The following CFAP54 variants were observed in gnomAD, a reference collection of about 807,000 sequenced individuals.
CFAP54 encodes the protein cilia- and flagella-associated protein 54.
A neutral mutation model predicts 370.4 loss-of-function variants in CFAP54; 290 were observed. That is an observed-to-expected ratio of 0.78 (90% CI 0.71 to 0.86). CFAP54 has a LOEUF of 0.86. Ranked by LOEUF, CFAP54 falls within the 40% of genes least tolerant of loss-of-function variation. The pLI, the probability that CFAP54 is intolerant of heterozygous loss-of-function variation, is 0.00. For missense variants in CFAP54, 3,399 were observed against 3,528.7 expected, an observed-to-expected ratio of 0.96 and a Z score of 0.93; for synonymous variants, 1,206 against 1,236.5, an observed-to-expected ratio of 0.98 and a Z score of 0.52.
intron 67 of CFAP54, among the ~76,000 whole-genome samples, chr12:96,861,196 A>G (rs1959870672): frequency 6.6e-6 from 1 of 152,214 alleles, no homozygotes; most frequent in Non-Finnish European, 1.5e-5. Flanking sequence ...CTGTTTTCAC[A>G]TTTGGAGTCA....
At chr12:96,746,945 C>T (rs936119684) in intron 55 of CFAP54, among the ~76,000 whole-genome samples, 15 of 152,200 alleles carry the variant, frequency 9.9e-5, no homozygotes, top group Admixed American at 8.5e-4. Flanking sequence ...GGAAACTTTT[C>T]CTGAACCCCA....
At chr12:96,793,202 C>A (rs1434403867) in intron 63 of CFAP54, among the ~76,000 whole-genome samples, 1 of 152,084 alleles carries the variant, frequency 6.6e-6, no homozygotes, top group African/African-American at 2.4e-5. Flanking sequence ...ACCCTCTCCC[C>A]CGAGCCCCCA....
Position 96,742,645 on chromosome 12 carries a change from G to A in CFAP54, c.7219+59G>A, listed in dbSNP as rs191767010. The stretch of plus-strand genomic sequence containing the variant: ...AAATTAATTTTACATAGGTGAAGAG[G>A]GGTTTATTGGGATATATTTTATTAT... On this transcript the variant is annotated intron_variant, in intron 52 of 67. Transcript: ENST00000524981. 1,046 of 1,401,804 alleles carry A rather than the reference G, an allele frequency of 7.5e-4. 1 individual carries two copies. The highest frequency in any genetic ancestry group is 1.1e-3 in the Admixed American group (49 of 46,198). 86.8% of individuals were successfully genotyped at this position (1,401,804 alleles called of 1,614,324 possible). A position where few individuals can be genotyped will look rare whatever the true frequency, so the allele number is the denominator to read the frequency against.
intron 51 of CFAP54, among the ~76,000 whole-genome samples, 189 bp downstream of exon 51, chr12:96,740,250 TA>T (rs1010073912): frequency 1.4e-4 from 21 of 151,824 alleles, no homozygotes; most frequent in Admixed American, 4.6e-4. Context: ...ATCTCTTAAT[TA>T]AAAAAAAATT....
intron 26 of CFAP54, among the ~76,000 whole-genome samples, chr12:96,616,382 G>T (rs1015883685): frequency 1.3e-5 from 2 of 151,622 alleles, no homozygotes; most frequent in Non-Finnish European, 2.9e-5. Context: ...GGAGGGGGGA[G>T]GGATAGCATT....
chr12:96,669,240 G>A lies in CFAP54; in HGVS notation c.5563+5308G>A, dbSNP rs115355447. 3.0e-3 allele frequency among the ~76,000 whole-genome samples: 463 copies of A among 152,312 alleles called. 2 individuals are homozygous for A. Among genetic ancestry groups the A allele is most frequent in the African/African-American group, 0.011 (449 of 41,572 alleles). On this transcript the variant is annotated intron_variant, in intron 39 of 67. Coordinates refer to ENST00000524981, the MANE Select transcript of CFAP54 (RefSeq NM_001306084.2). ...AGATAATAAACTCTCTTAGAGGGAA[G>A]GATAGAGATCTAGTTTTATCTGGAG...
At chr12:96,490,523 A>G (rs1954869409) in intron 1 of CFAP54, among the ~76,000 whole-genome samples, 1 of 152,112 alleles carries the variant, frequency 6.6e-6, no homozygotes, top group Admixed American at 6.6e-5. Context: ...AAATTTATAC[A>G]TGAATACAAA....
Position 96,600,158 on chromosome 12 carries a change from C to T in CFAP54, c.3639+1391C>T, listed in dbSNP as rs896265421. Among the ~76,000 whole-genome samples the T allele has an allele frequency of 4.6e-5, 7 of 152,120 alleles. No homozygotes were observed. The East Asian group carries it at 1.2e-3, about 25-fold the overall frequency. On this transcript the variant is annotated intron_variant, in intron 26 of 67. Coordinates refer to ENST00000524981, the MANE Select transcript of CFAP54 (RefSeq NM_001306084.2). ...TCTTACATTTAAGTCTTTAATCCATCTTGAGTTAATTTTTGTGTAAGGTGT... is the reference window on the plus strand; with the variant it reads ...TCTTACATTTAAGTCTTTAATCCATTTTGAGTTAATTTTTGTGTAAGGTGT...
intron 64 of CFAP54, among the ~76,000 whole-genome samples, chr12:96,816,185 C>T (rs1286927680): frequency 2.0e-5 from 3 of 152,192 alleles, no homozygotes; most frequent in Non-Finnish European, 2.9e-5. Flanking sequence ...TTGATTCTTC[C>T]TATCCATGAT....
intron 39 of CFAP54, among the ~76,000 whole-genome samples, chr12:96,673,297 A>G (rs1592701518): frequency 1.3e-5 from 2 of 152,118 alleles, no homozygotes; most frequent in South Asian, 4.1e-4. Context: ...TGAGTGCTCC[A>G]CTGTGCTACC....
chr12:96,833,374 A>G (rs890605314), intron 66 of CFAP54, among the ~76,000 whole-genome samples: 1 of 152,248 alleles, frequency 6.6e-6, no homozygotes, highest in African/African-American at 2.4e-5. Context: ...AGCTACGTAT[A>G]GAACATTGGT....
chr12:96,728,661 CCTT>C (rs1250517766), intron 50 of CFAP54, among the ~76,000 whole-genome samples: 10 of 152,298 alleles, frequency 6.6e-5, no homozygotes, highest in Non-Finnish European at 2.9e-5. Flanking sequence ...TCATCTGAAG[CCTT>C]CTTCTCTCAA....
chr12:96,604,039 G>GT (rs947365592), intron 26 of CFAP54, among the ~76,000 whole-genome samples: 11 of 152,108 alleles, frequency 7.2e-5, no homozygotes, highest in Non-Finnish European at 1.2e-4. Flanking sequence ...GAGGCGTTCT[G>GT]TTTTTTGGAA....
At chr12:96,515,999 T>A (rs1955229147) in intron 5 of CFAP54, among the ~76,000 whole-genome samples, 1 of 144,472 alleles carries the variant, frequency 6.9e-6, no homozygotes, top group South Asian at 2.3e-4. Flanking sequence ...CACTGCAAGC[T>A]CCACCTCCCG....
intron 61 of CFAP54, 56 bp from the exon 62 acceptor site, chr12:96,786,619 T>G: frequency 2.4e-6 from 3 of 1,273,850 alleles, no homozygotes; most frequent in South Asian, 2.8e-5. Flanking sequence ...CCAGCAATAT[T>G]GAGATCATCC....
chr12:96,640,570 A>G (rs1177744843), intron 32 of CFAP54, among the ~76,000 whole-genome samples: 1 of 152,130 alleles, frequency 6.6e-6, no homozygotes, highest in Admixed American at 6.5e-5. Flanking sequence ...AATTGGAAAA[A>G]CCTACTTTAA....
In CFAP54 at chr12:96,538,522, T is replaced by G; in HGVS notation, c.1926+4T>G. ...CCAGAAAATCAGTACTAACAAAGTA[T>G]TCCTTTCGCATTCCCTTTCACGTGT... On this transcript the variant is annotated splice_donor_region_variant and intron_variant, in intron 13 of 67. Transcript: ENST00000524981. 6.5e-7 allele frequency: 1 copy of G among 1,534,890 alleles called. No individual in the cohort carries two copies. The highest frequency in any genetic ancestry group is 8.7e-7 in the Non-Finnish European group (1 of 1,146,030).
intron 26 of CFAP54, among the ~76,000 whole-genome samples, chr12:96,604,374 C>A (rs1207577877): frequency 1.3e-5 from 2 of 152,200 alleles, no homozygotes; most frequent in East Asian, 3.9e-4. Context: ...GTTGGCCCTA[C>A]TGGCAGGAGG....
At chr12:96,808,459 A>T (rs1465044739) in intron 63 of CFAP54, among the ~76,000 whole-genome samples, 1 of 152,200 alleles carries the variant, frequency 6.6e-6, no homozygotes, top group Non-Finnish European at 1.5e-5. Flanking sequence ...CAAAGAAAGG[A>T]TAAGGCATGG....
Sources: gnomAD v4.1 joint callset for allele counts (sites outside exome capture counted in the v4.1 genomes callset) on GRCh38, gnomAD v4.1.1 for gene constraint, MANE v1.5 for transcripts, NCBI Gene and HGNC (gene_info 2026-07-23, HGNC 2026-07-21) for gene names.